RMC1: variants seen among roughly 807,000 people sequenced by gnomAD.
RMC1 encodes regulator of MON1-CCZ1.
Under a neutral mutation model 95.5 loss-of-function variants are expected in RMC1, and 44 were observed. The ratio of observed to expected loss-of-function variants is 0.46; its 90% confidence interval spans 0.36 to 0.59. RMC1 has a LOEUF of 0.59. Among genes scored for constraint, RMC1 ranks in the 20% least tolerant of loss-of-function variants. RMC1 has a pLI of 0.00. For missense variants in RMC1, 705 were observed against 819.6 expected, an observed-to-expected ratio of 0.86 and a Z score of 1.71; for synonymous variants, 320 against 303.6, an observed-to-expected ratio of 1.05 and a Z score of -0.56.
At position 23,503,583 on chromosome 18, in the gene RMC1, G is replaced by A. The variant is rs770388294; in HGVS notation, c.-36G>A. ...CGCATCCTGCTCCACTCTGGCGACC[G>A]CCCCCGGGGCCCCCGCCGCGGGCGC... On this transcript the variant is annotated 5_prime_UTR_variant, in exon 1 of 20. Transcript: ENST00000269221. The A allele has an allele frequency of 2.7e-6, 4 of 1,501,828 alleles. No homozygotes were observed. In the Admixed American group the frequency reaches 8.1e-5, roughly 30 times the overall value. The allele number at this position is 1,501,828 out of a possible 1,614,324, so 93.0% of individuals were successfully genotyped here. A position where few individuals can be genotyped will look rare whatever the true frequency, so the allele number is the denominator to read the frequency against.
At chr18:23,509,965 T>G (rs2057807967) in intron 5 of RMC1, among the ~76,000 whole-genome samples, 1 of 149,258 alleles carries the variant, frequency 6.7e-6, no homozygotes, top group Admixed American at 6.7e-5. Flanking sequence ...AGCTTTAGTC[T>G]CTTGCTGGGG....
At chr18:23,519,688 G>A (rs1475394675) in intron 9 of RMC1, among the ~76,000 whole-genome samples, 1 of 152,128 alleles carries the variant, frequency 6.6e-6, no homozygotes, top group Non-Finnish European at 1.5e-5. Flanking sequence ...AGAAACTAAC[G>A]CTTGAGATTT....
At chr18:23,504,546 T>G in intron 2 of RMC1, 99 bp downstream of exon 2, 2 of 1,112,016 alleles carry the variant, frequency 1.8e-6, no homozygotes, top group Non-Finnish European at 2.7e-6. Flanking sequence ...TGGTCTGCCC[T>G]AAGAGGCCTG....
intron 7 of RMC1, among the ~76,000 whole-genome samples, chr18:23,518,105 C>G (rs543021268): frequency 3.9e-5 from 6 of 152,382 alleles, no homozygotes; most frequent in African/African-American, 1.4e-4. Context: ...TTGGTCTCCT[C>G]CTTGTCCCTG....
At position 23,517,067 on chromosome 18, in the gene RMC1, C is replaced by T. The variant is rs184144519; in HGVS notation, c.653+644C>T. 3.4e-3 allele frequency among the ~76,000 whole-genome samples: 520 copies of T among 151,782 alleles called. 1 individual carries two copies. The highest frequency in any genetic ancestry group is 5.0e-3 in the Non-Finnish European group (343 of 67,956). On this transcript the variant is annotated intron_variant, in intron 7 of 19. Transcript: ENST00000269221. ...AAAGCTCAGTTAAATAATAATTGTT[C>T]TAAATAAGAAAATAGATTAAGATTT...
At chr18:23,521,590 A>G (rs540035223) in intron 10 of RMC1, among the ~76,000 whole-genome samples, 13 of 152,332 alleles carry the variant, frequency 8.5e-5, no homozygotes, top group East Asian at 7.7e-4. Context: ...GAGGTCAGGA[A>G]TTCAGGAAAA....
At chr18:23,513,187 C>G (rs2057909540) in intron 5 of RMC1, among the ~76,000 whole-genome samples, 1 of 152,232 alleles carries the variant, frequency 6.6e-6, no homozygotes, top group Admixed American at 6.5e-5. Context: ...CTCCTGACTT[C>G]AGGTGATCCA....
Position 23,530,433 on chromosome 18 carries a change from A to C in RMC1, c.1715A>C (p.Lys572Thr). ...GAAATAGTAGAAGTTCTCCTTTCCA[A>C]ACACCAAGTGTTAGCTGCCTTAAGG... ...NDEIVEVLLS[K>T]HQVLAALRFI... The change falls in exon 19 of 20, where the codon AAA becomes ACA. Residue 572 changes from lysine (K) to threonine (T), a missense_variant. Transcript: ENST00000269221. 1 of 1,614,236 alleles carries C rather than the reference A, an allele frequency of 6.2e-7. No homozygotes were observed. The highest frequency in any genetic ancestry group is 8.5e-7 in the Non-Finnish European group (1 of 1,180,050).
Position 23,509,083 on chromosome 18 carries a change from G to A in RMC1, c.322-110G>A, listed in dbSNP as rs147454345. On this transcript the variant is annotated intron_variant, in intron 4 of 19. Coordinates refer to ENST00000269221, the MANE Select transcript of RMC1 (RefSeq NM_013326.5). ...TGTTTTGTTAATTAGTAAACATTCC[G>A]GGGAACGTTCATTAAAGAATGACAA... 2.9e-3 allele frequency: 1,104 copies of A among 386,564 alleles called. 4 individuals carry two copies. The highest frequency in any genetic ancestry group is 4.2e-3 in the Non-Finnish European group (922 of 217,058). 23.9% of individuals were successfully genotyped at this position (386,564 alleles called of 1,614,324 possible). A position where few individuals can be genotyped will look rare whatever the true frequency, so the allele number is the denominator to read the frequency against.
intron 3 of RMC1, 55 bp downstream of exon 3, chr18:23,507,109 G>C: frequency 7.7e-7 from 1 of 1,296,644 alleles, no homozygotes; most frequent in Non-Finnish European, 1.1e-6. Context: ...ACATTTGGAA[G>C]AGAAGGAATC....
intron 6 of RMC1, 108 bp downstream of exon 6, chr18:23,516,104 G>A (rs2057997220): frequency 3.9e-6 from 6 of 1,521,732 alleles, no homozygotes; most frequent in African/African-American, 2.8e-5. Context: ...TAGCCGTAAC[G>A]TCACCGCTCT....
intron 4 of RMC1, 117 bp downstream of exon 4, chr18:23,508,158 C>A: frequency 2.3e-6 from 2 of 871,008 alleles, no homozygotes; most frequent in Non-Finnish European, 3.3e-6. Flanking sequence ...GACTGTCCCT[C>A]ATGTTGATTC....
intron 5 of RMC1, among the ~76,000 whole-genome samples, chr18:23,512,796 TGTTCA>T (rs1358831128): frequency 2.6e-5 from 4 of 152,250 alleles, no homozygotes; most frequent in Admixed American, 2.6e-4. Flanking sequence ...TGTTTTTAAG[TGTTCA>T]GTTCAGTAGT....
chr18:23,508,046 G>T lies in RMC1; in HGVS notation c.321+5G>T. The T allele has an allele frequency of 6.2e-7, 1 of 1,609,628 alleles. No homozygotes were observed. Among genetic ancestry groups the T allele is most frequent in the South Asian group, 1.1e-5 (1 of 89,654 alleles). ...GAATACACACAGGAGTGCAAGGTAT[G>T]ACCCCAGGCCCTTTCTCAGCTGCTG... On this transcript the variant is annotated splice_donor_5th_base_variant and intron_variant, in intron 4 of 19. Coordinates refer to ENST00000269221, the MANE Select transcript of RMC1 (RefSeq NM_013326.5).
Position 23,520,318 on chromosome 18 carries a change from C to T in RMC1, c.961+5C>T. ...CCTATCAGATCCCCATCACAGGTAACACGGGTTCTGTAGAGGAGTCTGTGC... is the reference window on the plus strand; with the variant it reads ...CCTATCAGATCCCCATCACAGGTAATACGGGTTCTGTAGAGGAGTCTGTGC... On this transcript the variant is annotated splice_donor_5th_base_variant and intron_variant, in intron 10 of 19. Transcript: ENST00000269221. 1 of 1,608,208 alleles carries T rather than the reference C, an allele frequency of 6.2e-7. No homozygotes were observed. The highest frequency in any genetic ancestry group is 8.5e-7 in the Non-Finnish European group (1 of 1,174,770).
At chr18:23,529,512 C>T (rs2058419490) in intron 15 of RMC1, 123 bp from the exon 16 acceptor site, 4 of 1,252,208 alleles carry the variant, frequency 3.2e-6, no homozygotes, top group Non-Finnish European at 4.6e-6. Flanking sequence ...GTGTGCAAAA[C>T]CAGTGAAAGA....
At chr18:23,516,143 T>G (rs2057998559) in intron 6 of RMC1, 147 bp downstream of exon 6, 2 of 1,361,576 alleles carry the variant, frequency 1.5e-6, no homozygotes, top group Non-Finnish European at 2.0e-6. Flanking sequence ...TGTATACCCG[T>G]CAGCTCCTGG....
chr18:23,520,590 G>T (rs577471247), intron 10 of RMC1, among the ~76,000 whole-genome samples: 1 of 152,294 alleles, frequency 6.6e-6, no homozygotes, highest in South Asian at 2.1e-4. Flanking sequence ...CTCCCAAGTA[G>T]TGGGGATTAC....
intron 5 of RMC1, 59 bp from the exon 6 acceptor site, chr18:23,515,797 T>G (rs2057987074): frequency 4.4e-6 from 7 of 1,604,092 alleles, no homozygotes; most frequent in Non-Finnish European, 6.0e-6. Flanking sequence ...CCTCCCAAAG[T>G]GCTGGGATTA....
Sources: gnomAD v4.1 joint callset for allele counts (sites outside exome capture counted in the v4.1 genomes callset) on GRCh38, gnomAD v4.1.1 for gene constraint, MANE v1.5 for transcripts, NCBI Gene and HGNC (gene_info 2026-07-23, HGNC 2026-07-21) for gene names.